The following CFAP36 variants were observed in gnomAD, a reference collection of about 807,000 sequenced individuals.
The protein encoded by CFAP36 is cilia and flagella associated protein 36.
CFAP36 carries 37 observed loss-of-function variants against 50.5 expected under a neutral mutation model. That is an observed-to-expected ratio of 0.73 (90% CI 0.56 to 0.96). The LOEUF (loss-of-function observed/expected upper bound fraction) is 0.96. Ranked by LOEUF, CFAP36 falls within the 50% of genes least tolerant of loss-of-function variation. The probability of loss-of-function intolerance (pLI) is 0.00; values close to 1 mark genes in which losing one functional copy is unlikely to be tolerated. For synonymous variants in CFAP36, 138 were observed against 128.2 expected, an observed-to-expected ratio of 1.08 and a Z score of -0.52; for missense variants, 407 against 396.2, an observed-to-expected ratio of 1.03 and a Z score of -0.23.
rs1347674003 is a variant in CFAP36 at position 55,519,718 on chromosome 2, C to T, written c.-84C>T. On this transcript the variant is annotated 5_prime_UTR_variant, in exon 1 of 10. Transcript: ENST00000349456. The stretch of plus-strand genomic sequence containing the variant: ...TGCGGGCCAGCTCTTCCCCTACTCC[C>T]TCTCGGCTCCTTGTGGCCCAAAGGC... The T allele has an allele frequency of 2.9e-6, 4 of 1,361,250 alleles. No homozygotes were observed. The highest frequency in any genetic ancestry group is 2.9e-5 in the African/African-American group (2 of 69,886). 84.3% of individuals were successfully genotyped at this position (1,361,250 alleles called of 1,614,324 possible). A position where few individuals can be genotyped will look rare whatever the true frequency, so the allele number is the denominator to read the frequency against.
chr2:55,536,941 C>T (rs1353337508), intron 6 of CFAP36, among the ~76,000 whole-genome samples: 8 of 152,172 alleles, frequency 5.3e-5, no homozygotes, highest in Admixed American at 4.6e-4. Flanking sequence ...CAGGGTTTCA[C>T]CATGTTGGCC....
At chr2:55,540,167 G>C (rs1451516922) in intron 7 of CFAP36, among the ~76,000 whole-genome samples, 4 of 152,064 alleles carry the variant, frequency 2.6e-5, no homozygotes, top group African/African-American at 9.7e-5. Flanking sequence ...CTTTCATAGG[G>C]TGTGCCTTTG....
intron 5 of CFAP36, among the ~76,000 whole-genome samples, chr2:55,534,606 G>A (rs2103655021): frequency 6.6e-6 from 1 of 152,294 alleles, no homozygotes; most frequent in Non-Finnish European, 1.5e-5. Context: ...ATTTTGGAAG[G>A]AAGGGGCAGT....
intron 1 of CFAP36, 106 bp from the exon 2 acceptor site, chr2:55,521,996 C>A: frequency 1.6e-6 from 1 of 607,158 alleles, no homozygotes; most frequent in Admixed American, 3.2e-5. Context: ...GAATTCAAAG[C>A]TGAAGAGCTA....
intron 4 of CFAP36, among the ~76,000 whole-genome samples, chr2:55,531,833 C>T (rs954482242): frequency 1.3e-5 from 2 of 152,140 alleles, no homozygotes; most frequent in Admixed American, 6.5e-5. Context: ...GAGTCACTCT[C>T]CTGGGATTGG....
chr2:55,521,156 A>AT (rs1342736013), intron 1 of CFAP36, among the ~76,000 whole-genome samples: 3 of 151,018 alleles, frequency 2.0e-5, no homozygotes, highest in Middle Eastern at 3.5e-3. Context: ...TTTACAGGTA[A>AT]TTTTTTAACA....
At chr2:55,529,094 T>C (rs1293469860) in intron 4 of CFAP36, 102 bp downstream of exon 4, 2 of 818,502 alleles carry the variant, frequency 2.4e-6, no homozygotes, top group East Asian at 5.6e-5. Flanking sequence ...TGTACATTTA[T>C]TTCAAGTTTG....
intron 4 of CFAP36, among the ~76,000 whole-genome samples, chr2:55,529,277 C>T (rs765639130): frequency 1.8e-4 from 27 of 151,966 alleles, no homozygotes; most frequent in Non-Finnish European, 3.7e-4. Flanking sequence ...AAAAAATTAG[C>T]TGGGCGTGGT....
chr2:55,521,776 C>T (rs979418900), intron 1 of CFAP36, among the ~76,000 whole-genome samples: 12 of 151,842 alleles, frequency 7.9e-5, no homozygotes, highest in East Asian at 3.9e-4. Flanking sequence ...TCTACAGGCG[C>T]GCACAACCAC....
rs1460627838 is a variant in CFAP36, at chr2:55,519,892, G to A, written c.91G>A (p.Asp31Asn). 2 of 1,614,102 alleles carry A rather than the reference G, an allele frequency of 1.2e-6. No homozygotes were observed. Among genetic ancestry groups the A allele is most frequent in the Non-Finnish European group, 1.7e-6 (2 of 1,180,040 alleles). Reference sequence around the variant, plus strand: ...CCCAGACTGGTCCATCCCCATCTTGGACTTTGTGGAACAGAAATGTGAAGG... The same window carrying A: ...CCCAGACTGGTCCATCCCCATCTTGAACTTTGTGGAACAGAAATGTGAAGG... ...RGPDWSIPIL[D>N]FVEQKCEVFD... The change falls in exon 1 of 10, where the codon GAC becomes AAC. Residue 31 changes from aspartate to asparagine, a missense_variant. Physicochemically the swap from Asp to Asn is conservative, Grantham distance 23 (BLOSUM62 1). Transcript: ENST00000349456.
chr2:55,534,883 T>G (rs1684442913), intron 5 of CFAP36, among the ~76,000 whole-genome samples: 1 of 152,196 alleles, frequency 6.6e-6, no homozygotes, highest in African/African-American at 2.4e-5. Flanking sequence ...GTGCTTAATT[T>G]CGGGGGTTTG....
chr2:55,544,106 G>A (rs1275310556), intron 8 of CFAP36, 32 bp downstream of exon 8: 2 of 1,612,406 alleles, frequency 1.2e-6, no homozygotes, highest in Admixed American at 3.4e-5. Flanking sequence ...AGAACTATAA[G>A]CAAAATGACA....
chr2:55,525,914 A>G (rs1353299965), intron 3 of CFAP36, among the ~76,000 whole-genome samples: 1 of 152,242 alleles, frequency 6.6e-6, no homozygotes, highest in Non-Finnish European at 1.5e-5. Context: ...GGCGTGAGCC[A>G]CCACGCCCTG....
chr2:55,539,555 A>G (rs1388347864), intron 7 of CFAP36: 1 of 152,214 alleles, frequency 6.6e-6, no homozygotes, highest in Non-Finnish European at 1.5e-5. Context: ...CCAAGTTTTG[A>G]CAATTATGAA....
At chr2:55,520,285 A>G (rs138256997) in intron 1 of CFAP36, 185 of 912,840 alleles carry the variant, frequency 2.0e-4, no homozygotes, top group Middle Eastern at 6.7e-4. Context: ...GGCTTCTTCA[A>G]CAGCTTTGCC....
chr2:55,533,909 T>C lies in CFAP36; in HGVS notation c.434T>C (p.Val145Ala), dbSNP rs755154430. 8.7e-6 allele frequency: 14 copies of C among 1,611,906 alleles called. No homozygotes were observed. Among genetic ancestry groups the C allele is most frequent in the Non-Finnish European group, 1.2e-5 (14 of 1,178,800 alleles). ...GACTGCTTAACCGATGGCTCTGATG[T>C]GGTCAGTGACCTTGAACACGAAGAG... ...LPDCLTDGSDVVSDLEHEEMK... is the reference protein window; with the variant it reads ...LPDCLTDGSDAVSDLEHEEMK... The change falls in exon 5 of 10, where the codon GTG (valine) becomes GCG (alanine). Residue 145 changes from valine to alanine, a missense_variant. Val to Ala is a moderately conservative substitution (Grantham distance 64). Transcript: ENST00000349456.
intron 7 of CFAP36, chr2:55,539,015 C>A: frequency 9.2e-7 from 1 of 1,081,604 alleles, no homozygotes; most frequent in Non-Finnish European, 1.2e-6. Context: ...ACAGAGATTT[C>A]CCCCATATAG....
At position 55,520,324 on chromosome 2, in the gene CFAP36, C is replaced by T. The variant is rs1346358857; in HGVS notation, c.115+408C>T. The T allele has an allele frequency of 2.4e-6, 3 of 1,260,070 alleles. No individual in the cohort carries two copies. In the African/African-American group the frequency reaches 4.6e-5, roughly 19 times the overall value. The allele number at this position is 1,260,070 out of a possible 1,614,324, so 78.1% of individuals were successfully genotyped here. A position where few individuals can be genotyped will look rare whatever the true frequency, so the allele number is the denominator to read the frequency against. ...CTTGAGAGGAGAAGCGTCGGTTTAC[C>T]TGAGTTCCTTATGATCCCTAGCATT... On this transcript the variant is annotated intron_variant, in intron 1 of 9. Coordinates refer to ENST00000349456, the MANE Select transcript of CFAP36 (RefSeq NM_080667.7).
chr2:55,520,352 G>A, intron 1 of CFAP36: 1 of 1,439,896 alleles, frequency 6.9e-7, no homozygotes, highest in Non-Finnish European at 9.3e-7. Flanking sequence ...CTAGCATTTC[G>A]CCCGGTGTAG....
Sources: allele counts gnomAD v4.1 joint callset (sites outside exome capture counted in the v4.1 genomes callset), GRCh38; gene constraint gnomAD v4.1.1; transcripts MANE v1.5; gene names NCBI Gene and HGNC (gene_info 2026-07-23, HGNC 2026-07-21).